Variants in LMO7 observed in about 807,000 individuals in gnomAD.
The protein encoded by LMO7 is LIM domain only protein 7.
LMO7 carries 120 observed loss-of-function variants against 206.5 expected under a neutral mutation model. The observed-to-expected ratio is 0.58, with a 90% CI of 0.50 to 0.68. LMO7 has a LOEUF of 0.68. LMO7 is among the 30% of genes least tolerant of loss of function. The pLI, the probability that LMO7 is intolerant of heterozygous loss-of-function variation, is 0.00. For synonymous variants in LMO7, 706 were observed against 681.5 expected (o/e 1.04, Z -0.56); for missense variants, 1,959 against 1,957.9 (o/e 1.00, Z -0.01).
At chr13:75,658,734 C>T (rs918226946) in intron 1 of LMO7, among the ~76,000 whole-genome samples, 8 of 151,990 alleles carry the variant, frequency 5.3e-5, no homozygotes, top group African/African-American at 1.7e-4. Flanking sequence ...CAGGCGCCCA[C>T]CACCACGCCC....
chr13:75,679,084 G>GT (rs970728777), intron 1 of LMO7, among the ~76,000 whole-genome samples: 5 of 152,110 alleles, frequency 3.3e-5, no homozygotes, highest in Non-Finnish European at 5.9e-5. Flanking sequence ...AGAATTCATT[G>GT]TTTTTTCCCC....
chr13:75,805,804 T>C, intron 9 of LMO7, 44 bp downstream of exon 9: 1 of 1,583,168 alleles, frequency 6.3e-7, no homozygotes, highest in Non-Finnish European at 8.6e-7. Flanking sequence ...GTTCATTCAG[T>C]ACCCCAGCTG....
In LMO7 at chr13:75,728,191, A is replaced by G. The variant is rs1176459887; in HGVS notation, c.210+1093A>G. On this transcript the variant is annotated intron_variant, in intron 3 of 30. Transcript: ENST00000377534. Reference sequence around the variant, plus strand: ...ATTTCTCGTTCTAGATCCCTGAGGAATCGCCACACTGACTTCCACAATGGA... The same window carrying G: ...ATTTCTCGTTCTAGATCCCTGAGGAGTCGCCACACTGACTTCCACAATGGA... 5.3e-5 allele frequency among the ~76,000 whole-genome samples: 8 copies of G among 152,326 alleles called. No individual in the cohort carries two copies. The East Asian group carries it at 9.6e-4, about 18-fold the overall frequency.
chr13:75,827,026 A>G (rs1428810753), intron 15 of LMO7, among the ~76,000 whole-genome samples: 1 of 152,176 alleles, frequency 6.6e-6, no homozygotes, highest in Non-Finnish European at 1.5e-5. Context: ...TTCATGAATC[A>G]TGATGTCACC....
chr13:75,665,707 A>C (rs2039018420), intron 1 of LMO7, among the ~76,000 whole-genome samples: 1 of 152,094 alleles, frequency 6.6e-6, no homozygotes, highest in South Asian at 2.1e-4. Flanking sequence ...TTGTACTTTT[A>C]GTAGAGACAG....
intron 4 of LMO7, among the ~76,000 whole-genome samples, chr13:75,763,068 C>A (rs1005872373): frequency 6.6e-6 from 1 of 152,106 alleles, no homozygotes. Flanking sequence ...TCCTTTGGGT[C>A]AAAATTCTTG....
intron 3 of LMO7, among the ~76,000 whole-genome samples, chr13:75,731,326 A>G (rs1182729432): frequency 1.3e-5 from 2 of 152,148 alleles, no homozygotes; most frequent in Non-Finnish European, 2.9e-5. Flanking sequence ...TATTGGGTGC[A>G]TATATATTTA....
chr13:75,686,593 G>A (rs1181658800), intron 1 of LMO7, among the ~76,000 whole-genome samples: 1 of 150,890 alleles, frequency 6.6e-6, no homozygotes, highest in East Asian at 1.9e-4. Context: ...TTATGGGAGA[G>A]GATTTTAGAT....
chr13:75,755,243 T>G lies in LMO7; in HGVS notation c.211-5689T>G, dbSNP rs2047587926. Among the ~76,000 whole-genome samples the G allele has an allele frequency of 2.0e-5, 3 of 152,122 alleles. No homozygotes were observed. The South Asian group carries it at 6.2e-4, about 32-fold the overall frequency. On this transcript the variant is annotated intron_variant, in intron 3 of 30. Transcript: ENST00000377534. ...TTATTTACTCATGAGTCTTCTGGAG[T>G]TTTTGCCCATGAAATGTCCACTTTA...
chr13:75,840,020 T>C, intron 20 of LMO7, 65 bp from the exon 21 acceptor site: 1 of 1,485,478 alleles, frequency 6.7e-7, no homozygotes, highest in Non-Finnish European at 9.4e-7. Flanking sequence ...CTGAAAGGAA[T>C]TATTTCATAG....
chr13:75,838,779 G>A (rs1346188118), intron 20 of LMO7, among the ~76,000 whole-genome samples: 1 of 152,154 alleles, frequency 6.6e-6, no homozygotes, highest in African/African-American at 2.4e-5. Flanking sequence ...GAGATTCTCC[G>A]TGTTGGTGTA....
At chr13:75,703,739 T>TGTGTGTGTGTGTGTGC (rs57290262) in intron 1 of LMO7, among the ~76,000 whole-genome samples, 48 of 151,782 alleles carry the variant, frequency 3.2e-4, no homozygotes, top group African/African-American at 1.1e-3. Context: ...TGTGTGTGTG[T>TGTGTGTGTGTGTGTGC]GCACTGTGAG....
chr13:75,746,975 TA>T (rs964257326), intron 3 of LMO7, among the ~76,000 whole-genome samples: 3 of 150,696 alleles, frequency 2.0e-5, no homozygotes, highest in Non-Finnish European at 3.0e-5. Flanking sequence ...TTGTTTACAT[TA>T]AAAAAAAAGA....
intron 3 of LMO7, among the ~76,000 whole-genome samples, chr13:75,728,298 T>C (rs2044697237): frequency 6.6e-6 from 1 of 152,204 alleles, no homozygotes; most frequent in African/African-American, 2.4e-5. Flanking sequence ...GTTTCCTGAC[T>C]TTTTAATGAT....
At chr13:75,672,694 T>C (rs2039690433) in intron 1 of LMO7, among the ~76,000 whole-genome samples, 1 of 152,186 alleles carries the variant, frequency 6.6e-6, no homozygotes, top group Non-Finnish European at 1.5e-5. Context: ...CTTGGCCAGT[T>C]TCTACTCCCA....
rs1386355876 is a variant in LMO7, at chr13:75,638,604, TG to T, written c.69+1879del. On this transcript the variant is annotated intron_variant, in intron 1 of 30. Coordinates refer to ENST00000377534, the MANE Select transcript of LMO7 (RefSeq NM_001306080.2). ...TCATCCCACTTGGAACAAGGCAGTA[TG>T]TTTGCCTTCATTGTGTATATATGAG... Among the ~76,000 whole-genome samples the T allele has an allele frequency of 3.3e-5, 5 of 152,268 alleles. No homozygotes were observed. The East Asian group carries it at 9.6e-4, about 29-fold the overall frequency.
chr13:75,658,206 G>A (rs2038237176), intron 1 of LMO7, among the ~76,000 whole-genome samples: 2 of 151,880 alleles, frequency 1.3e-5, no homozygotes. Flanking sequence ...TTCTCCTGCT[G>A]TACCAGTATC....
chr13:75,695,557 A>G (rs9565186), intron 1 of LMO7, among the ~76,000 whole-genome samples: 58,440 of 151,910 alleles, frequency 0.38, 11,703 homozygotes, highest in East Asian at 0.67. Flanking sequence ...GTGTTGGCTC[A>G]GATGGTCTTG....
At chr13:75,714,825 A>C (rs758476436) in intron 2 of LMO7, among the ~76,000 whole-genome samples, 15 of 152,076 alleles carry the variant, frequency 9.9e-5, no homozygotes, top group Non-Finnish European at 1.9e-4. Context: ...GAGGGGAAAC[A>C]TTGCCTATTA....
Sources: gnomAD v4.1 joint callset for allele counts (sites outside exome capture counted in the v4.1 genomes callset) on GRCh38, gnomAD v4.1.1 for gene constraint, MANE v1.5 for transcripts, NCBI Gene and HGNC (gene_info 2026-07-23, HGNC 2026-07-21) for gene names.